The following BCL2 variants were observed in gnomAD, a reference collection of about 807,000 sequenced individuals.
BCL2 encodes apoptosis regulator Bcl-2.
A neutral mutation model predicts 14.2 loss-of-function variants in BCL2; 1 was observed. The observed-to-expected ratio is 0.07, with a 90% CI of 0.02 to 0.33. The LOEUF is 0.33. Among genes scored for constraint, BCL2 ranks in the 10% least tolerant of loss-of-function variants. BCL2 has a pLI of 0.99. For synonymous variants in BCL2, 151 were observed against 137.2 expected, an observed-to-expected ratio of 1.10 and a Z score of -0.70; for missense variants, 247 against 305.9, an observed-to-expected ratio of 0.81 and a Z score of 1.44.
intron 2 of BCL2, among the ~76,000 whole-genome samples, chr18:63,291,086 A>C (rs575530851): frequency 6.6e-6 from 1 of 152,314 alleles, no homozygotes; most frequent in African/African-American, 2.4e-5. Context: ...ACGAATAGAA[A>C]GAACACAGCC....
chr18:63,144,768 C>T (rs568041079), intron 2 of BCL2, among the ~76,000 whole-genome samples: 30 of 152,224 alleles, frequency 2.0e-4, no homozygotes, highest in East Asian at 9.7e-4. Context: ...TAAAGCAAGC[C>T]GGTGTATGCC....
intron 2 of BCL2, among the ~76,000 whole-genome samples, chr18:63,300,464 CTCTGTGTGTGTG>C (rs1456998060): frequency 7.0e-6 from 1 of 142,002 alleles, no homozygotes; most frequent in Non-Finnish European, 1.6e-5. Flanking sequence ...CTCTCTCTCT[CTCTGTGTGTGTG>C]TGTGTGTGTG....
chr18:63,132,580 G>C (rs1384288483), intron 2 of BCL2, among the ~76,000 whole-genome samples: 1 of 152,154 alleles, frequency 6.6e-6, no homozygotes, highest in Non-Finnish European at 1.5e-5. Flanking sequence ...AGAGTGTAGG[G>C]CTAGAGGGCA....
At chr18:63,264,096 T>C (rs1035917526) in intron 2 of BCL2, among the ~76,000 whole-genome samples, 5 of 152,300 alleles carry the variant, frequency 3.3e-5, no homozygotes, top group African/African-American at 1.2e-4. Context: ...TGGAATAGTA[T>C]AGTAAAACGC....
chr18:63,153,948 A>T (rs1280147096), intron 2 of BCL2, among the ~76,000 whole-genome samples: 1 of 152,178 alleles, frequency 6.6e-6, no homozygotes, highest in Non-Finnish European at 1.5e-5. Context: ...TACAGAAAGG[A>T]TTAAGCTATA....
At chr18:63,206,925 G>A (rs1280322805) in intron 2 of BCL2, among the ~76,000 whole-genome samples, 2 of 152,104 alleles carry the variant, frequency 1.3e-5, no homozygotes, top group Non-Finnish European at 2.9e-5. Context: ...AAAAGGGGAG[G>A]ACGACTTAAA....
intron 2 of BCL2, among the ~76,000 whole-genome samples, chr18:63,312,398 A>G (rs1913355812): frequency 6.6e-6 from 1 of 152,248 alleles, no homozygotes; most frequent in Admixed American, 6.5e-5. Context: ...TGTCTGGCAA[A>G]TGGAGGGCAG....
chr18:63,280,238 C>A (rs1383771387), intron 2 of BCL2, among the ~76,000 whole-genome samples: 1 of 152,164 alleles, frequency 6.6e-6, no homozygotes, highest in Non-Finnish European at 1.5e-5. Flanking sequence ...CCTACCCCTG[C>A]CACTGACTAA....
intron 2 of BCL2, among the ~76,000 whole-genome samples, chr18:63,159,072 C>T (rs974558993): frequency 5.9e-5 from 9 of 152,172 alleles, no homozygotes; most frequent in Non-Finnish European, 8.8e-5. Context: ...GAGAACTGTT[C>T]TTAAATACTC....
At chr18:63,249,308 CAT>C (rs72398317) in intron 2 of BCL2, among the ~76,000 whole-genome samples, 6,031 of 152,226 alleles carry the variant, frequency 0.04, 206 homozygotes, top group African/African-American at 0.09. Flanking sequence ...CAGTCCTGTC[CAT>C]TTAACACCCT....
chr18:63,129,409 C>T (rs764432373), intron 2 of BCL2, among the ~76,000 whole-genome samples: 7 of 151,772 alleles, frequency 4.6e-5, no homozygotes, highest in South Asian at 4.2e-4. Flanking sequence ...CTCCTGCCTC[C>T]GCCTCCTGAG....
chr18:63,311,241 G>A (rs1012450420), intron 2 of BCL2, among the ~76,000 whole-genome samples: 2 of 152,146 alleles, frequency 1.3e-5, no homozygotes, highest in Non-Finnish European at 2.9e-5. Context: ...AGTTAATATA[G>A]AGATATAGCA....
intron 2 of BCL2, among the ~76,000 whole-genome samples, chr18:63,194,862 T>G (rs1909401857): frequency 6.6e-6 from 1 of 152,340 alleles, no homozygotes; most frequent in East Asian, 1.9e-4. Context: ...CCATGGCGTA[T>G]AAGGCTTGCC....
intron 2 of BCL2, among the ~76,000 whole-genome samples, chr18:63,205,437 C>A (rs1909810132): frequency 6.6e-6 from 1 of 152,196 alleles, no homozygotes; most frequent in Admixed American, 6.5e-5. Context: ...AACATTCGGA[C>A]CTCACTAACA....
intron 2 of BCL2, among the ~76,000 whole-genome samples, chr18:63,265,822 G>A (rs1911808485): frequency 6.6e-6 from 1 of 152,076 alleles, no homozygotes; most frequent in African/African-American, 2.4e-5. Flanking sequence ...AATCAAGATA[G>A]TTCATAAACA....
intron 2 of BCL2, among the ~76,000 whole-genome samples, chr18:63,304,209 C>T (rs567255402): frequency 6.6e-6 from 1 of 152,248 alleles, no homozygotes; most frequent in South Asian, 2.1e-4. Context: ...ATGTGGGATT[C>T]ACAAGAGATG....
intron 2 of BCL2, among the ~76,000 whole-genome samples, chr18:63,296,940 C>G (rs970899304): frequency 1.3e-5 from 2 of 152,168 alleles, no homozygotes; most frequent in African/African-American, 4.8e-5. Flanking sequence ...CGGCCCCGCA[C>G]GGTGGCTCAC....
Position 63,249,865 on chromosome 18 carries a change from G to A in BCL2, c.585+68217C>T, listed in dbSNP as rs149864267. Among the ~76,000 whole-genome samples the A allele has an allele frequency of 2.1e-3, 318 of 152,092 alleles. 1 individual carries two copies. Among genetic ancestry groups the A allele is most frequent in the African/African-American group, 7.2e-3 (297 of 41,492 alleles). Reference sequence around the variant, plus strand: ...TTCAGGCACCACTCTCTTCCTCCCCGTCTACTTGGTGAACAGGAATTAGAG... The same window carrying A: ...TTCAGGCACCACTCTCTTCCTCCCCATCTACTTGGTGAACAGGAATTAGAG... On this transcript the variant is annotated intron_variant, in intron 2 of 2. Transcript: ENST00000333681.
At chr18:63,249,863 C>A (rs866604059) in intron 2 of BCL2, among the ~76,000 whole-genome samples, 16 of 152,082 alleles carry the variant, frequency 1.1e-4, no homozygotes, top group African/African-American at 2.7e-4. Flanking sequence ...CTCTTCCTCC[C>A]CGTCTACTTG....
Sources: allele counts gnomAD v4.1 joint callset (sites outside exome capture counted in the v4.1 genomes callset), GRCh38; gene constraint gnomAD v4.1.1; transcripts MANE v1.5; gene names NCBI Gene and HGNC (gene_info 2026-07-23, HGNC 2026-07-21).